The following TENM4 variants were observed in gnomAD, a reference collection of about 807,000 sequenced individuals.
The protein encoded by TENM4 is teneurin transmembrane protein 4.
Under a neutral mutation model 243.3 loss-of-function variants are expected in TENM4, and 82 were observed. That is an observed-to-expected ratio of 0.34 (90% CI 0.28 to 0.40). The LOEUF (loss-of-function observed/expected upper bound fraction) is 0.40. TENM4 is among the 10% of genes least tolerant of loss of function. The pLI is 1.00. For missense variants in TENM4, 3,138 were observed against 3,673.3 expected (o/e 0.85, Z 3.77); for synonymous variants, 1,412 against 1,456.3 (o/e 0.97, Z 0.69).
intron 4 of TENM4, among the ~76,000 whole-genome samples, chr11:79,138,264 T>C (rs1045954743): frequency 1.4e-5 from 2 of 143,016 alleles, no homozygotes; most frequent in Admixed American, 7.7e-5. Flanking sequence ...AGATGGCCTA[T>C]TGTGGGACCT....
chr11:79,184,563 G>A (rs1034264602), intron 3 of TENM4, among the ~76,000 whole-genome samples: 1 of 151,528 alleles, frequency 6.6e-6, no homozygotes, highest in Non-Finnish European at 1.5e-5. Flanking sequence ...GGAGGTTAGG[G>A]GGGGTGGGAA....
chr11:78,937,930 A>G (rs1002035678), intron 6 of TENM4, among the ~76,000 whole-genome samples: 3 of 152,242 alleles, frequency 2.0e-5, no homozygotes, highest in South Asian at 2.1e-4. Flanking sequence ...AAAAAAGCCA[A>G]TTAAGATCTA....
intron 6 of TENM4, among the ~76,000 whole-genome samples, chr11:78,954,373 T>A (rs188128125): frequency 5.3e-5 from 8 of 152,350 alleles, no homozygotes; most frequent in Non-Finnish European, 8.8e-5. Context: ...GCCACAGAGC[T>A]GTGTACCCAA....
intron 2 of TENM4, among the ~76,000 whole-genome samples, chr11:79,285,249 A>G (rs915159429): frequency 7.4e-6 from 1 of 135,554 alleles, no homozygotes; most frequent in East Asian, 2.8e-4. Context: ...AAAAATAAAT[A>G]AATAAAAAAA....
At chr11:78,907,529 G>A (rs1294428398) in intron 6 of TENM4, among the ~76,000 whole-genome samples, 1 of 152,070 alleles carries the variant, frequency 6.6e-6, no homozygotes, top group Non-Finnish European at 1.5e-5. Flanking sequence ...CTTCTCTTCG[G>A]TCCTTGGTCA....
chr11:78,955,013 G>A (rs1416175378), intron 6 of TENM4, among the ~76,000 whole-genome samples: 1 of 152,230 alleles, frequency 6.6e-6, no homozygotes, highest in African/African-American at 2.4e-5. Flanking sequence ...AGGTTTTCAT[G>A]ATGAGGCTTC....
intron 3 of TENM4, among the ~76,000 whole-genome samples, chr11:79,161,269 G>A (rs542214796): frequency 2.6e-5 from 4 of 152,270 alleles, no homozygotes; most frequent in African/African-American, 9.6e-5. Flanking sequence ...GTCTTCTTGA[G>A]GATAAACTTC....
intron 2 of TENM4, among the ~76,000 whole-genome samples, chr11:79,225,698 C>T (rs1277970087): frequency 6.6e-6 from 1 of 152,114 alleles, no homozygotes; most frequent in Non-Finnish European, 1.5e-5. Flanking sequence ...AGACTGGTCT[C>T]GAACTCCTGA....
intron 6 of TENM4, among the ~76,000 whole-genome samples, chr11:79,012,943 C>A (rs1240682304): frequency 2.0e-5 from 3 of 152,178 alleles, no homozygotes; most frequent in Admixed American, 2.0e-4. Flanking sequence ...ACTGAGGCTC[C>A]AGGGGATGGA....
intron 12 of TENM4, among the ~76,000 whole-genome samples, chr11:78,838,120 TA>T (rs35793301): frequency 6.6e-6 from 1 of 152,028 alleles, no homozygotes; most frequent in African/African-American, 2.4e-5. Context: ...CTTATTAGGC[TA>T]AAAAAAAGAT....
At chr11:79,429,329 C>T (rs538793988) in intron 1 of TENM4, among the ~76,000 whole-genome samples, 4 of 152,270 alleles carry the variant, frequency 2.6e-5, no homozygotes, top group South Asian at 4.1e-4. Flanking sequence ...ATCCTTCCCC[C>T]TCCCGCCTCC....
intron 30 of TENM4, among the ~76,000 whole-genome samples, chr11:78,674,070 C>T (rs1345626603): frequency 6.6e-6 from 1 of 152,210 alleles, no homozygotes; most frequent in East Asian, 1.9e-4. Flanking sequence ...CCCGCTGTGA[C>T]TCCCCTCAGG....
At chr11:78,992,086 G>A (rs1387010723) in intron 6 of TENM4, among the ~76,000 whole-genome samples, 1 of 152,222 alleles carries the variant, frequency 6.6e-6, no homozygotes, top group Non-Finnish European at 1.5e-5. Flanking sequence ...CCTGTAACAA[G>A]CACTAAGGAG....
At chr11:79,398,770 G>A (rs2135552360) in intron 1 of TENM4, among the ~76,000 whole-genome samples, 1 of 4,334 alleles carries the variant, frequency 2.3e-4, no homozygotes, top group Admixed American at 3.4e-3. Context: ...GAGTGCCACA[G>A]TGTGTTAGGT....
At chr11:78,706,323 C>T (rs1457233721) in intron 27 of TENM4, among the ~76,000 whole-genome samples, 1 of 152,144 alleles carries the variant, frequency 6.6e-6, no homozygotes, top group African/African-American at 2.4e-5. Context: ...TGCTCTGTGC[C>T]TCTCTCTTTA....
chr11:79,154,583 C>T (rs1419361738), intron 3 of TENM4, among the ~76,000 whole-genome samples: 6 of 152,102 alleles, frequency 3.9e-5, no homozygotes, highest in African/African-American at 1.4e-4. Context: ...CCCCTTGTTC[C>T]CCCAGCTCCA....
intron 6 of TENM4, among the ~76,000 whole-genome samples, chr11:78,990,691 T>C (rs1027400972): frequency 6.6e-6 from 1 of 152,176 alleles, no homozygotes; most frequent in Non-Finnish European, 1.5e-5. Context: ...CATATAAAAC[T>C]GTGAACGACA....
At chr11:79,279,375 G>A (rs1856116223) in intron 2 of TENM4, among the ~76,000 whole-genome samples, 1 of 152,190 alleles carries the variant, frequency 6.6e-6, no homozygotes, top group South Asian at 2.1e-4. Flanking sequence ...AGGCAGAAAG[G>A]GAGAGGAAGT....
rs140707215 is a variant in TENM4, at chr11:79,282,669, A to G, written c.-265+14819T>C. On this transcript the variant is annotated intron_variant, in intron 2 of 33. Transcript: ENST00000278550. ...GGATATTTTGATTTTCTAGGAGGACAGGATGGATTCCAGGGGAGATAATGG... is the reference window on the plus strand; with the variant it reads ...GGATATTTTGATTTTCTAGGAGGACGGGATGGATTCCAGGGGAGATAATGG... Among the ~76,000 whole-genome samples the G allele has an allele frequency of 3.2e-3, 495 of 152,358 alleles. 2 individuals are homozygous for G. Among genetic ancestry groups the G allele is most frequent in the Middle Eastern group, 0.017 (5 of 294 alleles).
Sources: allele counts gnomAD v4.1 joint callset (sites outside exome capture counted in the v4.1 genomes callset), GRCh38; gene constraint gnomAD v4.1.1; transcripts MANE v1.5; gene names NCBI Gene and HGNC (gene_info 2026-07-23, HGNC 2026-07-21).